The following REDIC1 variants were observed in gnomAD, a reference collection of about 807,000 sequenced individuals.
REDIC1 encodes regulator of DNA class I crossover intermediates 1.
the REDIC1 span, among the ~76,000 whole-genome samples, chr12:39,856,755 T>C: frequency 6.6e-6 from 1 of 152,242 alleles, no homozygotes; most frequent in African/African-American, 2.4e-5. Flanking sequence ...AGCAAGGTTA[T>C]GTAACGTGCT....
the REDIC1 span, among the ~76,000 whole-genome samples, chr12:39,784,261 T>A: frequency 6.6e-6 from 1 of 152,122 alleles, no homozygotes; most frequent in Non-Finnish European, 1.5e-5. Context: ...GAGCCCGCAT[T>A]GCCAAGTCAA....
chr12:39,677,020 A>G, the REDIC1 span, among the ~76,000 whole-genome samples: 2 of 93,354 alleles, frequency 2.1e-5, no homozygotes. Context: ...TAAAACAATA[A>G]CACAATGAAA....
the REDIC1 span, among the ~76,000 whole-genome samples, chr12:39,838,491 TA>T: frequency 0.02 from 2,063 of 100,984 alleles, 20 homozygotes; most frequent in Middle Eastern, 0.033. Flanking sequence ...TAAAGTATAA[TA>T]AAAAAAAATA....
At chr12:39,785,500 C>T in the REDIC1 span, among the ~76,000 whole-genome samples, 2 of 152,326 alleles carry the variant, frequency 1.3e-5, no homozygotes, top group East Asian at 1.9e-4. Context: ...TCATGGAGAA[C>T]CTCTGCTAGG....
chr12:39,718,421 G>A, the REDIC1 span, among the ~76,000 whole-genome samples: 38 of 152,206 alleles, frequency 2.5e-4, no homozygotes, highest in African/African-American at 7.5e-4. Flanking sequence ...GACTCTAGGG[G>A]CAAAGCACTG....
the REDIC1 span, among the ~76,000 whole-genome samples, chr12:39,631,651 AC>A: frequency 6.6e-6 from 1 of 152,202 alleles, no homozygotes; most frequent in Non-Finnish European, 1.5e-5. Flanking sequence ...TTATATACAA[AC>A]AAAAATTGGA....
At chr12:39,835,577 T>C in the REDIC1 span, 11 of 152,252 alleles carry the variant, frequency 7.2e-5, no homozygotes, top group African/African-American at 2.6e-4. Context: ...TAATCCACAT[T>C]TAGTAAAGCT....
the REDIC1 span, among the ~76,000 whole-genome samples, chr12:39,705,862 T>C: frequency 6.6e-6 from 1 of 152,054 alleles, no homozygotes. Flanking sequence ...TTTTACTTAA[T>C]GGGGAAGAAC....
chr12:39,825,264 A>G, the REDIC1 span, among the ~76,000 whole-genome samples: 1 of 152,194 alleles, frequency 6.6e-6, no homozygotes, highest in African/African-American at 2.4e-5. Flanking sequence ...GGTTTTGTAT[A>G]TATGGAGAGT....
chr12:39,773,300 C>T, the REDIC1 span, among the ~76,000 whole-genome samples: 2 of 152,126 alleles, frequency 1.3e-5, no homozygotes, highest in African/African-American at 4.8e-5. Flanking sequence ...CTCATTTTGG[C>T]TGAGTGAGAG....
the REDIC1 span, among the ~76,000 whole-genome samples, chr12:39,846,883 A>G: frequency 6.6e-6 from 1 of 152,176 alleles, no homozygotes; most frequent in East Asian, 1.9e-4. Flanking sequence ...AATGTTAACT[A>G]TATAATAAAT....
the REDIC1 span, among the ~76,000 whole-genome samples, chr12:39,657,985 A>AT: frequency 2.1e-4 from 32 of 151,964 alleles, no homozygotes; most frequent in African/African-American, 7.2e-4. Flanking sequence ...TTCTTTACTA[A>AT]TATAGGCATT....
the REDIC1 span, among the ~76,000 whole-genome samples, chr12:39,701,758 T>C: frequency 6.6e-6 from 1 of 152,100 alleles, no homozygotes; most frequent in East Asian, 1.9e-4. Flanking sequence ...CACAGTGCAA[T>C]CAAACTAGAA....
chr12:39,856,851 CTTAA>C, the REDIC1 span, among the ~76,000 whole-genome samples: 1 of 152,302 alleles, frequency 6.6e-6, no homozygotes, highest in East Asian at 1.9e-4. Flanking sequence ...TTCATACAAA[CTTAA>C]TTAAAGAATA....
At chr12:39,764,119 C>G in the REDIC1 span, among the ~76,000 whole-genome samples, 3 of 152,132 alleles carry the variant, frequency 2.0e-5, no homozygotes, top group African/African-American at 7.2e-5. Flanking sequence ...ATCTTTTTAC[C>G]ATTTTCTGTT....
the REDIC1 span, among the ~76,000 whole-genome samples, chr12:39,862,835 T>C: frequency 5.8e-4 from 89 of 152,288 alleles, 1 homozygote; most frequent in Admixed American, 1.4e-3. Flanking sequence ...CCTCAAGCAA[T>C]TGTCACTTGT....
At chr12:39,891,109 T>G in the REDIC1 span, among the ~76,000 whole-genome samples, 1 of 139,192 alleles carries the variant, frequency 7.2e-6, no homozygotes, top group Admixed American at 7.4e-5. Flanking sequence ...CTCTCAAAGT[T>G]TCAAATATAC....
chr12:39,835,455 G>A, the REDIC1 span, among the ~76,000 whole-genome samples: 6 of 152,060 alleles, frequency 3.9e-5, no homozygotes, highest in Admixed American at 1.3e-4. Context: ...ACATTTATAA[G>A]AGAAATGAAT....
the REDIC1 span, among the ~76,000 whole-genome samples, chr12:39,632,502 ATATATT>A: frequency 6.6e-6 from 1 of 152,142 alleles, no homozygotes; most frequent in African/African-American, 2.4e-5. Flanking sequence ...TTAAATGTGT[ATATATT>A]TATATACACA....
Sources: allele counts gnomAD v4.1 joint callset (sites outside exome capture counted in the v4.1 genomes callset), GRCh38; gene constraint gnomAD v4.1.1; transcripts MANE v1.5; gene names NCBI Gene and HGNC (gene_info 2026-07-23, HGNC 2026-07-21).